Variants in TMEM164 observed in about 807,000 individuals in gnomAD.
The protein encoded by TMEM164 is transmembrane protein 164.
A neutral mutation model predicts 18.8 loss-of-function variants in TMEM164; 4 were observed. That is an observed-to-expected ratio of 0.21 (90% CI 0.10 to 0.49). The LOEUF is 0.49. Among genes scored for constraint, TMEM164 ranks in the 20% least tolerant of loss-of-function variants. The pLI is 0.98. For synonymous variants in TMEM164, 86 were observed against 101.7 expected (o/e 0.85, Z 0.93); for missense variants, 108 against 239.9 (o/e 0.45, Z 3.63).
intron 2 of TMEM164, among the ~76,000 whole-genome samples, chrX:110,058,938 T>C (rs948462950): frequency 7.2e-5 from 8 of 110,381 alleles, no homozygotes; most frequent in African/African-American, 2.6e-4. Context: ...GTCTGGGATG[T>C]CTTTTCACTT....
At chrX:110,098,801 CT>C (rs759923336) in intron 3 of TMEM164, among the ~76,000 whole-genome samples, 1,226 of 98,733 alleles carry the variant, frequency 0.012, 4 homozygotes, top group Middle Eastern at 0.031. Flanking sequence ...TTTTTTTCTT[CT>C]TTTTTTTTTT....
chrX:110,168,822 C>T (rs1371905651), intron 5 of TMEM164, among the ~76,000 whole-genome samples: 1 of 112,793 alleles, frequency 8.9e-6, no homozygotes, highest in East Asian at 2.8e-4. Context: ...GTGCTGATGA[C>T]ACCTACATCT....
intron 5 of TMEM164, among the ~76,000 whole-genome samples, chrX:110,169,029 T>C (rs1286882091): frequency 8.9e-6 from 1 of 112,156 alleles, no homozygotes; most frequent in Admixed American, 9.4e-5. Flanking sequence ...TGCTGAGACT[T>C]TCCCAAGGCC....
intron 4 of TMEM164, among the ~76,000 whole-genome samples, chrX:110,111,867 A>G (rs2066294457): frequency 9.0e-6 from 1 of 111,524 alleles, no homozygotes; most frequent in Admixed American, 9.6e-5. Flanking sequence ...CACAAAAGGT[A>G]CATATCTCCC....
At chrX:110,017,259 CCTT>C (rs1422585296) in intron 2 of TMEM164, among the ~76,000 whole-genome samples, 1 of 111,774 alleles carries the variant, frequency 8.9e-6, no homozygotes, top group Non-Finnish European at 1.9e-5. Context: ...CACATGGCCT[CCTT>C]CTATCCTTAA....
chrX:110,176,253 T>C lies in TMEM164; in HGVS notation c.*2802T>C. On this transcript the variant is annotated 3_prime_UTR_variant, in exon 7 of 7. Coordinates refer to ENST00000372068, the MANE Select transcript of TMEM164 (RefSeq NM_032227.4). ...ACAGTCTGTGGAGCTGGCCAACTTGTGGCATCCACTCCAAATAGCAGAGAC... is the reference window on the plus strand; with the variant it reads ...ACAGTCTGTGGAGCTGGCCAACTTGCGGCATCCACTCCAAATAGCAGAGAC... 1 of 756,633 alleles carries C rather than the reference T, an allele frequency of 1.3e-6. No homozygotes were observed. 62.4% of individuals were successfully genotyped at this position (756,633 alleles called of 1,213,427 possible).
At chrX:110,106,588 G>T (rs1353627256) in intron 3 of TMEM164, among the ~76,000 whole-genome samples, 1 of 110,932 alleles carries the variant, frequency 9.0e-6, no homozygotes, top group Non-Finnish European at 1.9e-5. Context: ...TGGCCAGGCT[G>T]GTCTTGGACT....
At chrX:110,181,163 ACTT>A (rs1195111205), downstream of TMEM164, among the ~76,000 whole-genome samples, 3 of 111,378 alleles carry the variant, frequency 2.7e-5, no homozygotes, top group African/African-American at 9.8e-5. Flanking sequence ...TTCAAAGCAA[ACTT>A]CTTTTGCTTT....
At chrX:110,004,408 C>G (rs771854699) in intron 2 of TMEM164, among the ~76,000 whole-genome samples, 1 of 111,352 alleles carries the variant, frequency 9.0e-6, no homozygotes, top group Admixed American at 9.5e-5. Context: ...CTGGCACTCA[C>G]CCTGGCTGCC....
rs1478586148 is a variant in TMEM164, at chrX:110,033,683, C to T, written c.390+29519C>T. Among the ~76,000 whole-genome samples the T allele has an allele frequency of 2.7e-5, 3 of 111,249 alleles. No homozygotes were observed. In the East Asian group the frequency reaches 8.4e-4, roughly 31 times the overall value. On this transcript the variant is annotated intron_variant, in intron 2 of 6. Transcript: ENST00000372068. ...TGGGGATAGGTCTCAGGGTCTTCTT[C>T]ATCGGGTTCTGAGGGTGGGTAGATC... is the stretch of plus-strand genomic sequence containing the variant.
At position 110,080,261 on chromosome X, in the gene TMEM164, A is replaced by G. The variant is rs140273490; in HGVS notation, c.440+12865A>G. ...TTTATTTTGGTGCTGAAAATTTGAA[A>G]TCCATGCATAGTTTTTTGTAATAAT... is the stretch of plus-strand genomic sequence containing the variant. On this transcript the variant is annotated intron_variant, in intron 3 of 6. Transcript: ENST00000372068. Among the ~76,000 whole-genome samples the G allele has an allele frequency of 6.6e-3, 738 of 111,880 alleles. 6 individuals are homozygous for G. The highest frequency in any genetic ancestry group is 0.023 in the African/African-American group (713 of 30,795).
intron 4 of TMEM164, among the ~76,000 whole-genome samples, chrX:110,116,100 A>C (rs1323240585): frequency 1.8e-5 from 2 of 111,984 alleles, no homozygotes; most frequent in Non-Finnish European, 3.8e-5. Flanking sequence ...TCACAAATAA[A>C]AAAGTAAAAC....
At chrX:110,084,431 G>GTATATATATATAGTA (rs1174119221) in intron 3 of TMEM164, among the ~76,000 whole-genome samples, 2 of 69,756 alleles carry the variant, frequency 2.9e-5, no homozygotes, top group African/African-American at 5.6e-5. Context: ...ATATAGTATA[G>GTATATATATATAGTA]TATATATATA....
At position 110,003,972 on chromosome X, in the gene TMEM164, G is replaced by A. The variant is rs781774573; in HGVS notation, c.198G>A (p.Glu66=). Residue 66 remains glutamate, a synonymous_variant, in exon 2 of 7, where the codon GAG becomes GAA. Transcript: ENST00000372068. ...ALRHILRQTK[E]DGRGSPGSQP... is the part of the protein sequence containing the mutation. ...GGCACATCCTGAGGCAGACGAAGGA[G>A]GACGGTAGGGGTAGCCCTGGCAGCC... 1 of 1,209,649 alleles carries A rather than the reference G, an allele frequency of 8.3e-7. No individual in the cohort carries two copies. The highest frequency in any genetic ancestry group is 2.2e-5 in the Admixed American group (1 of 45,824).
chrX:110,113,119 A>G (rs1306741433), intron 4 of TMEM164, among the ~76,000 whole-genome samples: 1 of 111,319 alleles, frequency 9.0e-6, no homozygotes, highest in Non-Finnish European at 1.9e-5. Flanking sequence ...AACAGCTAAT[A>G]CTTTCCAAAT....
rs1239796607 is a variant in TMEM164, at chrX:110,171,358, A to T, written c.587-62A>T. On this transcript the variant is annotated intron_variant, in intron 5 of 6. Transcript: ENST00000372068. ...CTGTGACCTCAGTACCTGCACCCTC[A>T]TGGTACAAAGGTGAAGTGGGTCACT... 4.7e-6 allele frequency: 4 copies of T among 856,380 alleles called. No homozygotes were observed. In the African/African-American group the frequency reaches 8.2e-5, roughly 17 times the overall value. The allele number at this position is 856,380 out of a possible 1,213,427, so 70.6% of individuals were successfully genotyped here.
intron 5 of TMEM164, among the ~76,000 whole-genome samples, chrX:110,156,167 T>C (rs2067013283): frequency 8.9e-6 from 1 of 112,207 alleles, no homozygotes; most frequent in Non-Finnish European, 1.9e-5. Context: ...ACTTGAAACC[T>C]GGCAAACTTC....
chrX:110,077,706 T>C (rs113332091), intron 3 of TMEM164, among the ~76,000 whole-genome samples: 2,301 of 111,759 alleles, frequency 0.021, 55 homozygotes, highest in African/African-American at 0.072. Flanking sequence ...TTTCTCCTTC[T>C]CTTATGAAGC....
At chrX:110,027,838 T>C (rs1442909979) in intron 2 of TMEM164, among the ~76,000 whole-genome samples, 1 of 112,217 alleles carries the variant, frequency 8.9e-6, no homozygotes, top group Non-Finnish European at 1.9e-5. Context: ...GTTTTCACTT[T>C]TCATACTGCC....
Sources: gnomAD v4.1 joint callset for allele counts (sites outside exome capture counted in the v4.1 genomes callset) on GRCh38, gnomAD v4.1.1 for gene constraint, MANE v1.5 for transcripts, NCBI Gene and HGNC (gene_info 2026-07-23, HGNC 2026-07-21) for gene names.